FUBP1: variants seen among roughly 807,000 people sequenced by gnomAD.
FUBP1 encodes far upstream element binding protein 1, also known as far upstream element-binding protein 1.
In FUBP1, 16 loss-of-function variants were observed where a neutral mutation model predicts 94.9. The ratio of observed to expected loss-of-function variants is 0.17; its 90% confidence interval spans 0.11 to 0.26. The LOEUF is 0.26. FUBP1 is among the 10% of genes least tolerant of loss of function. FUBP1 has a pLI of 1.00. For missense variants in FUBP1, 583 were observed against 808.6 expected (o/e 0.72, Z 3.38); for synonymous variants, 279 against 254.9 (o/e 1.09, Z -0.90).
intron 14 of FUBP1, 143 bp downstream of exon 14, chr1:77,962,627 G>A (rs1055681221): frequency 1.7e-5 from 8 of 463,678 alleles, no homozygotes; most frequent in African/African-American, 4.0e-5. Flanking sequence ...AAATCTTCAC[G>A]TTGTATCTAT....
At chr1:77,971,870 C>A (rs12563052) in intron 1 of FUBP1, among the ~76,000 whole-genome samples, 1 of 151,720 alleles carries the variant, frequency 6.6e-6, no homozygotes, top group East Asian at 1.9e-4. Flanking sequence ...ATTAGCTGAG[C>A]GTGGTGGCGC....
At chr1:77,965,306 T>A in intron 7 of FUBP1, 75 bp from the exon 8 acceptor site, 1 of 964,606 alleles carries the variant, frequency 1.0e-6, no homozygotes, top group Non-Finnish European at 1.6e-6. Context: ...TATAAAACAA[T>A]ATAACCAAGT....
At chr1:77,979,307 AT>A (rs1172013808), upstream of FUBP1, 4 of 368,296 alleles carry the variant, frequency 1.1e-5, no homozygotes, top group Non-Finnish European at 1.5e-5. Context: ...AGGCTGGGTA[AT>A]TGTTCCTGCA....
chr1:77,953,426 G>C (rs989697818), intron 18 of FUBP1, among the ~76,000 whole-genome samples: 13 of 152,142 alleles, frequency 8.5e-5, no homozygotes, highest in Non-Finnish European at 1.9e-4. Flanking sequence ...GGGAGGCGGA[G>C]GTTGCAGTGA....
At chr1:77,958,741 G>C (rs1212928532) in intron 16 of FUBP1, among the ~76,000 whole-genome samples, 2 of 152,108 alleles carry the variant, frequency 1.3e-5, no homozygotes, top group African/African-American at 2.4e-5. Context: ...CCTCAATCAT[G>C]CTAACCACCC....
intron 18 of FUBP1, among the ~76,000 whole-genome samples, chr1:77,954,564 T>C (rs545591738): frequency 1.3e-5 from 2 of 152,298 alleles, no homozygotes; most frequent in South Asian, 4.1e-4. Context: ...TGAGAAACAT[T>C]CTTTGGCAAA....
At chr1:77,956,316 T>C (rs927049438) in intron 17 of FUBP1, among the ~76,000 whole-genome samples, 20 of 152,210 alleles carry the variant, frequency 1.3e-4, no homozygotes, top group African/African-American at 3.9e-4. Flanking sequence ...CAGATACACA[T>C]GTATGATATA....
At chr1:77,977,201 AAAAC>A (rs1234101397) in intron 1 of FUBP1, among the ~76,000 whole-genome samples, 2 of 152,216 alleles carry the variant, frequency 1.3e-5, no homozygotes, top group Non-Finnish European at 2.9e-5. Context: ...TTCATGCATT[AAAAC>A]AAACAAACGA....
intron 16 of FUBP1, among the ~76,000 whole-genome samples, chr1:77,959,759 C>T (rs1395259601): frequency 6.6e-6 from 1 of 152,188 alleles, no homozygotes; most frequent in Non-Finnish European, 1.5e-5. Flanking sequence ...TCTCAAGCCT[C>T]AGCCTCAGAC....
Position 77,944,379 on chromosome 1 carries a change from GAAAAT to G in FUBP1, c.*4382_*4386del, listed in dbSNP as rs1399556687. On this transcript the variant is annotated 3_prime_UTR_variant, in exon 20 of 20. Transcript: ENST00000370768. The stretch of plus-strand genomic sequence containing the variant: ...GAGTTTCTATAGGGGTATCACTGAA[GAAAAT>G]AAAACCCTGGGATTTATTTGCTTAT... 2.0e-5 allele frequency: 4 copies of G among 201,632 alleles called. No individual in the cohort carries two copies. Among genetic ancestry groups the G allele is most frequent in the African/African-American group, 9.2e-5 (4 of 43,332 alleles). The allele number at this position is 201,632 out of a possible 1,614,324, so 12.5% of individuals were successfully genotyped here.
chr1:77,968,873 A>T, intron 2 of FUBP1: 1 of 342,748 alleles, frequency 2.9e-6, no homozygotes, highest in Non-Finnish European at 6.1e-6. Flanking sequence ...CCCCCCTTCA[A>T]ACTTAAATGA....
intron 1 of FUBP1, among the ~76,000 whole-genome samples, chr1:77,975,486 T>C (rs890341820): frequency 6.6e-6 from 1 of 152,336 alleles, no homozygotes; most frequent in East Asian, 1.9e-4. Context: ...AAATCACTTT[T>C]ATAACTGTCA....
At chr1:77,963,458 C>T in intron 13 of FUBP1, 116 bp downstream of exon 13, 1 of 572,428 alleles carries the variant, frequency 1.7e-6, no homozygotes, top group Non-Finnish European at 3.1e-6. Flanking sequence ...CATAAGAATT[C>T]TTTTCTACTA....
At chr1:77,952,868 T>G (rs1304651506) in intron 18 of FUBP1, among the ~76,000 whole-genome samples, 1 of 152,240 alleles carries the variant, frequency 6.6e-6, no homozygotes, top group Non-Finnish European at 1.5e-5. Context: ...CCAGGCGCAG[T>G]GGCTCACACC....
At position 77,964,249 on chromosome 1, in the gene FUBP1, C is replaced by T. The variant is rs935904253; in HGVS notation, c.940+5G>A. On this transcript the variant is annotated splice_donor_5th_base_variant and intron_variant, in intron 11 of 19. Coordinates refer to ENST00000370768, the MANE Select transcript of FUBP1 (RefSeq NM_003902.5). ...AACACTTACAAGATTATTATATGTA[C>T]TCACCTGGCTTAAACTGAATGCGAA... The T allele has an allele frequency of 6.3e-7, 1 of 1,583,944 alleles. No homozygotes were observed. The highest frequency in any genetic ancestry group is 8.7e-7 in the Non-Finnish European group (1 of 1,153,262).
At chr1:77,978,719 T>G (rs1659246241) in intron 1 of FUBP1, among the ~76,000 whole-genome samples, 166 bp downstream of exon 1, 1 of 152,216 alleles carries the variant, frequency 6.6e-6, no homozygotes, top group African/African-American at 2.4e-5. Flanking sequence ...AAAACTGGGT[T>G]CTGGTCTCTA....
intron 19 of FUBP1, 104 bp from the exon 20 acceptor site, chr1:77,948,878 A>G: frequency 2.0e-6 from 3 of 1,502,270 alleles, no homozygotes; most frequent in South Asian, 2.3e-5. Flanking sequence ...AGTGGTTAAT[A>G]TAAATGGTGG....
At chr1:77,963,498 T>C (rs1479257265) in intron 13 of FUBP1, 76 bp downstream of exon 13, 5 of 780,090 alleles carry the variant, frequency 6.4e-6, no homozygotes, top group Non-Finnish European at 1.0e-5. Flanking sequence ...GCATTGCCAC[T>C]TGTTTACGAC....
intron 1 of FUBP1, among the ~76,000 whole-genome samples, chr1:77,970,773 G>A (rs1278929720): frequency 6.6e-6 from 1 of 152,164 alleles, no homozygotes; most frequent in Non-Finnish European, 1.5e-5. Flanking sequence ...TTGCTGTCAT[G>A]GTGGCTCATG....
Sources: allele counts gnomAD v4.1 joint callset (sites outside exome capture counted in the v4.1 genomes callset), GRCh38; gene constraint gnomAD v4.1.1; transcripts MANE v1.5; gene names NCBI Gene and HGNC (gene_info 2026-07-23, HGNC 2026-07-21).